ULBP1: variants seen among roughly 807,000 people sequenced by gnomAD.
ULBP1 encodes UL16-binding protein 1.
A neutral mutation model predicts 25.3 loss-of-function variants in ULBP1; 28 were observed. The observed-to-expected ratio is 1.10, with a 90% CI of 0.82 to 1.51. ULBP1 has a LOEUF of 1.51. Ranked by LOEUF, ULBP1 falls within the 40% of genes most tolerant of loss-of-function variation. The probability of loss-of-function intolerance (pLI) is 0.00; values close to 1 mark genes in which losing one functional copy is unlikely to be tolerated. For missense variants in ULBP1, 348 were observed against 290.9 expected, an observed-to-expected ratio of 1.20 and a Z score of -1.43; for synonymous variants, 129 against 103.0, an observed-to-expected ratio of 1.25 and a Z score of -1.53.
chr6:149,965,502 T>G (rs1483139850), intron 1 of ULBP1, among the ~76,000 whole-genome samples: 4 of 152,158 alleles, frequency 2.6e-5, no homozygotes, highest in Non-Finnish European at 5.9e-5. Context: ...GGATCCCTGG[T>G]GCAGACCCGC....
Position 149,973,678 on chromosome 6 carries a change from C to CA in ULBP1, c.*2336dup, listed in dbSNP as rs1272027446. ...GTATAATAATTATACATGAAAGTGC[C>CA]AAAACCCTACAATTAAACACTGTAT... On this transcript the variant is annotated 3_prime_UTR_variant, in exon 5 of 5. Coordinates refer to ENST00000229708, the MANE Select transcript of ULBP1 (RefSeq NM_025218.4). 6.6e-6 allele frequency: 1 copy of CA among 152,246 alleles called. No individual in the cohort carries two copies. Among genetic ancestry groups the CA allele is most frequent in the African/African-American group, 2.4e-5 (1 of 41,536 alleles). The allele number at this position is 152,246 out of a possible 1,614,324, so 9.4% of individuals were successfully genotyped here. A position where few individuals can be genotyped will look rare whatever the true frequency, so the allele number is the denominator to read the frequency against.
At chr6:149,964,162 G>A (rs1779152938) in intron 1 of ULBP1, 28 bp downstream of exon 1, 1 of 1,613,640 alleles carries the variant, frequency 6.2e-7, no homozygotes, top group Non-Finnish European at 8.5e-7. Flanking sequence ...GCCTAAGCAG[G>A]GCGGGGGCCA....
rs1582829736 is a variant in ULBP1, at chr6:149,972,603, C to A, written c.*1257C>A. ...GAATGGGGAAAACTATTTGCAAACT[C>A]TGCATCTGATGAAGGTCCAATATCC... On this transcript the variant is annotated 3_prime_UTR_variant, in exon 5 of 5. Transcript: ENST00000229708. 1 of 152,202 alleles carries A rather than the reference C, an allele frequency of 6.6e-6. No homozygotes were observed. The highest frequency in any genetic ancestry group is 1.5e-5 in the Non-Finnish European group (1 of 68,030). The allele number at this position is 152,202 out of a possible 1,614,324, so 9.4% of individuals were successfully genotyped here.
rs1779262786 is a variant in ULBP1 at position 149,969,230 on chromosome 6, C to T, written c.495C>T (p.Ala165=). The change falls in exon 3 of 5, where the codon GCC becomes GCT. Residue 165 remains alanine (A), a synonymous_variant. Transcript: ENST00000229708. ...NRKWTALHPG[A]KKMTEKWEKN... Reference sequence around the variant, plus strand: ...AGTGGACAGCACTTCATCCTGGAGCCAAGAAGATGACAGAGAAGTGGGAGA... The same window carrying T: ...AGTGGACAGCACTTCATCCTGGAGCTAAGAAGATGACAGAGAAGTGGGAGA... The T allele has an allele frequency of 1.9e-6, 3 of 1,614,196 alleles. No homozygotes were observed. Among genetic ancestry groups the T allele is most frequent in the East Asian group, 2.2e-5 (1 of 44,878 alleles).
chr6:149,966,488 G>A (rs1582824503), intron 1 of ULBP1, among the ~76,000 whole-genome samples: 1 of 152,156 alleles, frequency 6.6e-6, no homozygotes, highest in South Asian at 2.1e-4. Context: ...TGGCATCATA[G>A]GTCCCTCAGG....
chr6:149,971,371 G>A lies in ULBP1; in HGVS notation c.*25G>A. 1.0e-6 allele frequency: 1 copy of A among 985,456 alleles called. No individual in the cohort carries two copies. Among genetic ancestry groups the A allele is most frequent in the Non-Finnish European group, 1.2e-6 (1 of 829,954 alleles). The allele number at this position is 985,456 out of a possible 1,614,324, so 61.0% of individuals were successfully genotyped here. On this transcript the variant is annotated splice_region_variant and 3_prime_UTR_variant, in exon 5 of 5. Coordinates refer to ENST00000229708, the MANE Select transcript of ULBP1 (RefSeq NM_025218.4). ...CCAATGCTTCATCTTTTCTCAAGGT[G>A]GAAAGTGATATCAAGAAGCCTCTGT...
rs991219811 is a variant in ULBP1, at chr6:149,973,480, T to C, written c.*2134T>C. 6 of 152,064 alleles carry C rather than the reference T, an allele frequency of 3.9e-5. No homozygotes were observed. The highest frequency in any genetic ancestry group is 1.4e-4 in the African/African-American group (6 of 41,400). The allele number at this position is 152,064 out of a possible 1,614,324, so 9.4% of individuals were successfully genotyped here. On this transcript the variant is annotated 3_prime_UTR_variant, in exon 5 of 5. Transcript: ENST00000229708. ...GTATTATATAGGTTGAAATTAAAGA[T>C]GAATAAATAAAATAAAATGACACAA...
rs1187639793 is a variant in ULBP1 at position 149,972,267 on chromosome 6, T to G, written c.*921T>G. On this transcript the variant is annotated 3_prime_UTR_variant, in exon 5 of 5. Transcript: ENST00000229708. ...AATGGGCAATGTGGGAAAGACTCCCTATTCGAAAATTAGTGCTGGAATATC... is the reference window on the plus strand; with the variant it reads ...AATGGGCAATGTGGGAAAGACTCCCGATTCGAAAATTAGTGCTGGAATATC... The G allele has an allele frequency of 6.6e-6, 1 of 152,278 alleles. No individual in the cohort carries two copies. Among genetic ancestry groups the G allele is most frequent in the East Asian group, 1.9e-4 (1 of 5,192 alleles). The allele number at this position is 152,278 out of a possible 1,614,324, so 9.4% of individuals were successfully genotyped here.
At chr6:149,970,868 C>T (rs556641784) in intron 4 of ULBP1, among the ~76,000 whole-genome samples, 194 of 152,358 alleles carry the variant, frequency 1.3e-3, no homozygotes, top group African/African-American at 4.3e-3. Context: ...TGAGCTGCTG[C>T]TGGAGTTCCA....
chr6:149,969,962 C>T, intron 3 of ULBP1, 54 bp from the exon 4 acceptor site: 1 of 1,562,152 alleles, frequency 6.4e-7, no homozygotes, highest in Non-Finnish European at 8.7e-7. Context: ...GAGGAGACAT[C>T]CCCTAAGATT....
chr6:149,969,868 C>A (rs1779281883), intron 3 of ULBP1, 148 bp from the exon 4 acceptor site: 2 of 1,083,322 alleles, frequency 1.8e-6, no homozygotes, highest in Admixed American at 2.6e-5. Context: ...TCCCTTCTTA[C>A]CCCAAGACTT....
chr6:149,966,084 A>T (rs1779200711), intron 1 of ULBP1, among the ~76,000 whole-genome samples: 1 of 152,086 alleles, frequency 6.6e-6, no homozygotes, highest in African/African-American at 2.4e-5. Flanking sequence ...CTGGGGAGCC[A>T]GGGTCATATA....
At chr6:149,967,259 C>T (rs537394122) in intron 1 of ULBP1, among the ~76,000 whole-genome samples, 6 of 152,292 alleles carry the variant, frequency 3.9e-5, no homozygotes, top group Non-Finnish European at 8.8e-5. Flanking sequence ...GCTTTAGGTC[C>T]CTGGGAGGAG....
chr6:149,969,323 AT>A lies in ULBP1; in HGVS notation c.593del (p.Leu198Ter). On this transcript the variant is annotated frameshift_variant, in exon 3 of 5. Coordinates refer to ENST00000229708, the MANE Select transcript of ULBP1 (RefSeq NM_025218.4). LOFTEE classifies it high-confidence loss of function. ...LGDCKMWLEE[F>X]LMYWEQMLDP... is the part of the protein sequence containing the mutation. ...GGGATTGTAAGATGTGGCTTGAAGA[AT>A]TTTTGATGTACTGGGAACAAATGCT... The A allele has an allele frequency of 2.5e-6, 4 of 1,614,078 alleles. No individual in the cohort carries two copies. The highest frequency in any genetic ancestry group is 3.4e-6 in the Non-Finnish European group (4 of 1,179,902).
At chr6:149,970,441 C>T (rs535966334) in intron 4 of ULBP1, among the ~76,000 whole-genome samples, 5 of 152,198 alleles carry the variant, frequency 3.3e-5, no homozygotes, top group Admixed American at 6.5e-5. Context: ...GGTTCCTATT[C>T]GGGATGGTGT....
At chr6:149,970,993 G>A (rs1203106025) in intron 4 of ULBP1, among the ~76,000 whole-genome samples, 1 of 152,248 alleles carries the variant, frequency 6.6e-6, no homozygotes, top group African/African-American at 2.4e-5. Context: ...GGAAAAGAAG[G>A]TGGTTTGTCT....
chr6:149,963,974 A>C lies in ULBP1; in HGVS notation c.-76A>C. 1.3e-6 allele frequency: 2 copies of C among 1,497,420 alleles called. No individual in the cohort carries two copies. Among genetic ancestry groups the C allele is most frequent in the Non-Finnish European group, 1.8e-6 (2 of 1,085,416 alleles). The allele number at this position is 1,497,420 out of a possible 1,614,324, so 92.8% of individuals were successfully genotyped here. A position where few individuals can be genotyped will look rare whatever the true frequency, so the allele number is the denominator to read the frequency against. On this transcript the variant is annotated 5_prime_UTR_variant, in exon 1 of 5. Transcript: ENST00000229708. ...CTGCGCGCGGCGGGCCGGGCTGGGC[A>C]GCTTTATAAACAGCCGTGGTGTGAG... is the stretch of plus-strand genomic sequence containing the variant.
At position 149,968,573 on chromosome 6, in the gene ULBP1, C is replaced by G. The variant is rs756363869; in HGVS notation, c.86-34C>G. On this transcript the variant is annotated intron_variant, in intron 1 of 4. Coordinates refer to ENST00000229708, the MANE Select transcript of ULBP1 (RefSeq NM_025218.4). ...AGGGGATACAGGTTCCATTTCCCCC[C>G]ACACCAACCCCCTCCTGTGTTTTTC... The G allele has an allele frequency of 4.0e-5, 64 of 1,582,882 alleles. No individual in the cohort carries two copies. The East Asian group carries it at 1.3e-3, about 32-fold the overall frequency.
intron 1 of ULBP1, among the ~76,000 whole-genome samples, chr6:149,964,891 C>T (rs1779173326): frequency 1.4e-5 from 2 of 145,418 alleles, no homozygotes; most frequent in Non-Finnish European, 1.5e-5. Flanking sequence ...CGCGGTACCC[C>T]CGAACATCGC....
Sources: gnomAD v4.1 joint callset for allele counts (sites outside exome capture counted in the v4.1 genomes callset) on GRCh38, gnomAD v4.1.1 for gene constraint, MANE v1.5 for transcripts, NCBI Gene and HGNC (gene_info 2026-07-23, HGNC 2026-07-21) for gene names.